CDK13: variants seen among roughly 807,000 people sequenced by gnomAD.
The protein encoded by CDK13 is cyclin dependent kinase 13.
Under a neutral mutation model 137.6 loss-of-function variants are expected in CDK13, and 40 were observed. The ratio of observed to expected loss-of-function variants is 0.29; its 90% CI spans 0.23 to 0.38. The LOEUF (loss-of-function observed/expected upper bound fraction) is 0.38. Among genes scored for constraint, CDK13 ranks in the 10% least tolerant of loss-of-function variants. The pLI is 1.00. For synonymous variants in CDK13, 869 were observed against 760.1 expected, an observed-to-expected ratio of 1.14 and a Z score of -2.36; for missense variants, 1,704 against 1,951.8, an observed-to-expected ratio of 0.87 and a Z score of 2.39.
At chr7:40,048,109 A>G in intron 7 of CDK13, 1 of 355,838 alleles carries the variant, frequency 2.8e-6, no homozygotes, top group South Asian at 9.7e-5. Context: ...ATTTTTTTAA[A>G]TGAACATCTT....
intron 1 of CDK13, among the ~76,000 whole-genome samples, chr7:39,982,833 C>G (rs1784258129): frequency 6.6e-6 from 1 of 152,178 alleles, no homozygotes; most frequent in South Asian, 2.1e-4. Flanking sequence ...ATTGTCTGTT[C>G]ATATCCTCTG....
At chr7:40,024,267 C>A (rs79622523) in intron 5 of CDK13, among the ~76,000 whole-genome samples, 1 of 152,144 alleles carries the variant, frequency 6.6e-6, no homozygotes, top group Non-Finnish European at 1.5e-5. Context: ...AACAAAAAAA[C>A]CCTTCTCTAA....
intron 9 of CDK13, chr7:40,072,010 A>G (rs1031751166): frequency 6.6e-6 from 1 of 152,214 alleles, no homozygotes. Context: ...GATAACTATC[A>G]TATTTTGTTG....
intron 5 of CDK13, among the ~76,000 whole-genome samples, chr7:40,030,431 T>A (rs1315536489): frequency 7.6e-6 from 1 of 132,068 alleles, no homozygotes; most frequent in Non-Finnish European, 1.5e-5. Flanking sequence ...GATTTTTTTT[T>A]TTTTTTTTTT....
chr7:40,005,831 C>T (rs1376189296), intron 5 of CDK13, among the ~76,000 whole-genome samples: 1 of 152,176 alleles, frequency 6.6e-6, no homozygotes, highest in Admixed American at 6.5e-5. Flanking sequence ...AGGCAGTCCT[C>T]CTGCCTCAGC....
intron 1 of CDK13, chr7:39,985,581 A>G (rs568214779): frequency 7.2e-5 from 11 of 152,292 alleles, no homozygotes; most frequent in Admixed American, 6.5e-4. Flanking sequence ...ACTAATTTAC[A>G]TTCCCATCTA....
At chr7:40,007,465 C>T (rs987613080) in intron 5 of CDK13, among the ~76,000 whole-genome samples, 1 of 152,212 alleles carries the variant, frequency 6.6e-6, no homozygotes, top group African/African-American at 2.4e-5. Context: ...CTCGCTCTGT[C>T]ACCCAGGCTG....
At chr7:40,081,396 A>G (rs1786659680) in intron 11 of CDK13, among the ~76,000 whole-genome samples, 1 of 152,224 alleles carries the variant, frequency 6.6e-6, no homozygotes, top group African/African-American at 2.4e-5. Flanking sequence ...AAATATATCA[A>G]GTGGAAAGCA....
chr7:40,069,164 G>A (rs1786354071), intron 9 of CDK13: 3 of 362,726 alleles, frequency 8.3e-6, no homozygotes, highest in Non-Finnish European at 5.4e-6. Context: ...ACCCAAGGGA[G>A]GTCGAGGCTA....
intron 1 of CDK13, among the ~76,000 whole-genome samples, chr7:39,966,150 T>A (rs999040314): frequency 2.0e-5 from 3 of 152,152 alleles, no homozygotes; most frequent in African/African-American, 7.2e-5. Context: ...ATTTCCTGAA[T>A]CTGAATGTTG....
At chr7:39,978,859 A>C (rs1000314243) in intron 1 of CDK13, among the ~76,000 whole-genome samples, 6 of 152,224 alleles carry the variant, frequency 3.9e-5, no homozygotes, top group African/African-American at 1.4e-4. Flanking sequence ...AGCCTTAGAT[A>C]GAAAGAGGAA....
In CDK13 at chr7:39,950,698, G is replaced by A; in HGVS notation, c.57G>A (p.Glu19=). 4 of 1,443,412 alleles carry A rather than the reference G, an allele frequency of 2.8e-6. No individual in the cohort carries two copies. Among genetic ancestry groups the A allele is most frequent in the Non-Finnish European group, 3.6e-6 (4 of 1,103,850 alleles). 89.4% of individuals were successfully genotyped at this position (1,443,412 alleles called of 1,614,324 possible). ...LGGGGGLSWA[E]KKLEERRKRR... ...GAGGCGGGGGCCTGAGCTGGGCGGA[G>A]AAGAAGTTGGAGGAACGCCGCAAGC... is the stretch of plus-strand genomic sequence containing the variant. The change falls in exon 1 of 14, where the codon GAG becomes GAA. Residue 19 remains glutamate (E), a synonymous_variant. Transcript: ENST00000181839.
At chr7:39,966,909 G>A (rs1024351823) in intron 1 of CDK13, among the ~76,000 whole-genome samples, 3 of 152,096 alleles carry the variant, frequency 2.0e-5, no homozygotes, top group Admixed American at 1.3e-4. Flanking sequence ...TATCAGCAGC[G>A]GAGGCTGCAG....
rs570101415 is a variant in CDK13 at position 39,992,849 on chromosome 7, T to C, written c.1871+4591T>C. On this transcript the variant is annotated intron_variant, in intron 2 of 13. Transcript: ENST00000181839. ...ACTTGTGCTTTGTTTATATAAAGAA[T>C]ACACAGTTTTTTAGCCAGAATATTT... Among the ~76,000 whole-genome samples the C allele has an allele frequency of 3.9e-5, 6 of 152,270 alleles. 1 individual carries two copies. The South Asian group carries it at 8.3e-4, about 21-fold the overall frequency.
At chr7:39,992,091 ACACACACACACACG>A (rs143489318) in intron 2 of CDK13, among the ~76,000 whole-genome samples, 9 of 117,774 alleles carry the variant, frequency 7.6e-5, no homozygotes, top group South Asian at 4.7e-4. Context: ...ACACACACAC[ACACACACACACACG>A]CACACACACA....
chr7:40,073,067 A>T (rs1455341453), intron 9 of CDK13: 4 of 152,222 alleles, frequency 2.6e-5, no homozygotes, highest in Non-Finnish European at 5.9e-5. Context: ...TGTGTTTTTC[A>T]AACCCAAAGG....
At chr7:40,009,386 A>G (rs1486458991) in intron 5 of CDK13, among the ~76,000 whole-genome samples, 1 of 152,230 alleles carries the variant, frequency 6.6e-6, no homozygotes, top group East Asian at 1.9e-4. Context: ...GGTACCTGCC[A>G]CTATTCATAT....
At chr7:40,039,810 G>C (rs958132860) in intron 5 of CDK13, among the ~76,000 whole-genome samples, 3 of 151,950 alleles carry the variant, frequency 2.0e-5, no homozygotes, top group Non-Finnish European at 2.9e-5. Flanking sequence ...TTTTAATTTT[G>C]CTTGTGGTAT....
chr7:40,021,466 A>G (rs1454810184), intron 5 of CDK13, among the ~76,000 whole-genome samples: 1 of 148,478 alleles, frequency 6.7e-6, no homozygotes, highest in East Asian at 2.0e-4. Flanking sequence ...ACCGCACTCC[A>G]GCCTGGGTGA....
Sources: gnomAD v4.1 joint callset for allele counts (sites outside exome capture counted in the v4.1 genomes callset) on GRCh38, gnomAD v4.1.1 for gene constraint, MANE v1.5 for transcripts, NCBI Gene and HGNC (gene_info 2026-07-23, HGNC 2026-07-21) for gene names.